Variants in RAP1GAP2 observed in about 807,000 individuals in gnomAD.
RAP1GAP2 encodes the protein rap1 GTPase-activating protein 2.
A neutral mutation model predicts 95.0 loss-of-function variants in RAP1GAP2; 27 were observed. That is an observed-to-expected ratio of 0.28 (90% CI 0.21 to 0.39). RAP1GAP2 has a LOEUF of 0.39. RAP1GAP2 is among the 10% of genes least tolerant of loss of function. The pLI, the probability that RAP1GAP2 is intolerant of heterozygous loss-of-function variation, is 1.00. For missense variants in RAP1GAP2, 771 were observed against 970.0 expected (o/e 0.79, Z 2.72); for synonymous variants, 373 against 380.9 (o/e 0.98, Z 0.24).
intron 8 of RAP1GAP2, among the ~76,000 whole-genome samples, chr17:2,976,682 TA>T (rs1406872414): frequency 2.8e-5 from 4 of 144,528 alleles, no homozygotes; most frequent in African/African-American, 1.0e-4. Flanking sequence ...AGGAAGGAAA[TA>T]AAAAAGACAA....
At chr17:3,017,221 A>G (rs1023611360) in intron 17 of RAP1GAP2, among the ~76,000 whole-genome samples, 6 of 151,854 alleles carry the variant, frequency 4.0e-5, no homozygotes, top group Admixed American at 1.3e-4. Context: ...TCACTCTCAC[A>G]TGTACTTTGA....
upstream of RAP1GAP2, among the ~76,000 whole-genome samples, chr17:2,775,075 AC>A (rs543892381): frequency 1.1e-3 from 161 of 148,150 alleles, 1 homozygote; most frequent in African/African-American, 3.8e-3. Flanking sequence ...TAAATGATCC[AC>A]CCGCCTCAGC....
At chr17:2,761,608 A>G (rs1269134444) in intron 1 of RAP1GAP2, among the ~76,000 whole-genome samples, 1 of 152,098 alleles carries the variant, frequency 6.6e-6, no homozygotes, top group African/African-American at 2.4e-5. Context: ...CATTCTCATC[A>G]TATCGTCAAG....
At chr17:2,849,235 T>C (rs2071719267) in intron 2 of RAP1GAP2, among the ~76,000 whole-genome samples, 1 of 152,162 alleles carries the variant, frequency 6.6e-6, no homozygotes, top group African/African-American at 2.4e-5. Context: ...CATCTGGTTT[T>C]CATCAAAGGC....
intron 1 of RAP1GAP2, among the ~76,000 whole-genome samples, chr17:2,781,784 T>C (rs111968236): frequency 3.3e-5 from 4 of 119,586 alleles, no homozygotes; most frequent in African/African-American, 1.3e-4. Context: ...GTGTGCACGT[T>C]TCTGTGTGTG....
chr17:2,970,166 C>T (rs912873370), intron 8 of RAP1GAP2, among the ~76,000 whole-genome samples: 2 of 147,984 alleles, frequency 1.4e-5, no homozygotes, highest in Admixed American at 1.4e-4. Context: ...CCTAGCTACT[C>T]GGGAGGCTGA....
intron 13 of RAP1GAP2, among the ~76,000 whole-genome samples, chr17:2,995,739 G>C (rs2045930861): frequency 6.6e-6 from 1 of 152,202 alleles, no homozygotes. Flanking sequence ...CACGTTGACT[G>C]ATGGGAAAAC....
At chr17:2,962,741 C>T (rs539107766) in intron 5 of RAP1GAP2, 27 bp downstream of exon 5, 4 of 1,577,902 alleles carry the variant, frequency 2.5e-6, no homozygotes, top group East Asian at 2.3e-5. Context: ...AGGGGGTGGC[C>T]AGACGGCCCT....
intron 17 of RAP1GAP2, among the ~76,000 whole-genome samples, chr17:3,017,584 AACTTGTGGTCAGAC>A (rs2046810221): frequency 1.3e-5 from 2 of 152,208 alleles, no homozygotes; most frequent in South Asian, 4.1e-4. Context: ...GAAAAGAGTC[AACTTGTGGTCAGAC>A]ACCTGAGTGT....
At chr17:2,955,625 C>T (rs559886134) in intron 3 of RAP1GAP2, among the ~76,000 whole-genome samples, 193 of 152,118 alleles carry the variant, frequency 1.3e-3, no homozygotes, top group Non-Finnish European at 2.3e-3. Flanking sequence ...TTTCTTTAAA[C>T]GTTTGGTAGA....
chr17:2,794,314 A>T (rs557545888), upstream of RAP1GAP2, among the ~76,000 whole-genome samples: 1 of 151,872 alleles, frequency 6.6e-6, no homozygotes, highest in South Asian at 2.1e-4. Flanking sequence ...TCAGGTGCCC[A>T]CTCCTGACCC....
At chr17:2,810,183 C>T (rs536674494) in intron 2 of RAP1GAP2, among the ~76,000 whole-genome samples, 16 of 151,986 alleles carry the variant, frequency 1.1e-4, no homozygotes, top group Non-Finnish European at 1.9e-4. Flanking sequence ...GTGGACCTTG[C>T]GAGCTTTGTC....
chr17:2,768,557 T>C (rs1370394981), intron 1 of RAP1GAP2, among the ~76,000 whole-genome samples: 3 of 151,780 alleles, frequency 2.0e-5, no homozygotes, highest in Non-Finnish European at 4.4e-5. Flanking sequence ...CTGGGCATGG[T>C]GGTGGGTGCC....
chr17:2,963,805 C>A lies in RAP1GAP2; in HGVS notation c.280-51C>A. 1 of 1,462,150 alleles carries A rather than the reference C, an allele frequency of 6.8e-7. No individual in the cohort carries two copies. Among genetic ancestry groups the A allele is most frequent in the South Asian group, 1.3e-5 (1 of 75,866 alleles). The allele number at this position is 1,462,150 out of a possible 1,614,324, so 90.6% of individuals were successfully genotyped here. On this transcript the variant is annotated intron_variant, in intron 6 of 24. Transcript: ENST00000254695. This position sits in a 1 kb window ranked among gnomAD's most constrained non-coding sequence, Gnocchi z 4.8. ...CAGAGGGGACACCGCCACCGGCCCC[C>A]TCCCTCCCCTGCGGTCCCAGGGGAG...
At chr17:2,760,502 G>A (rs1244636122) in intron 1 of RAP1GAP2, among the ~76,000 whole-genome samples, 12 of 150,040 alleles carry the variant, frequency 8.0e-5, no homozygotes, top group African/African-American at 1.7e-4. Context: ...CACCACACCC[G>A]GCTAATTTTT....
intron 3 of RAP1GAP2, among the ~76,000 whole-genome samples, chr17:2,956,621 G>A (rs1461078366): frequency 6.6e-6 from 1 of 152,240 alleles, no homozygotes; most frequent in Non-Finnish European, 1.5e-5. Context: ...GCTTCGCGGT[G>A]CCCAGATGTG....
chr17:2,865,558 G>T (rs115083321), intron 2 of RAP1GAP2, among the ~76,000 whole-genome samples: 1 of 152,142 alleles, frequency 6.6e-6, no homozygotes, highest in Non-Finnish European at 1.5e-5. Flanking sequence ...TTAATAGAAC[G>T]TCTATTTTAA....
At chr17:2,951,027 C>T (rs952151925) in intron 3 of RAP1GAP2, among the ~76,000 whole-genome samples, 1 of 152,230 alleles carries the variant, frequency 6.6e-6, no homozygotes. Context: ...CTTCGACCAC[C>T]GGGCTCTGCT....
At chr17:2,837,768 G>T (rs994366446) in intron 2 of RAP1GAP2, among the ~76,000 whole-genome samples, 6 of 151,192 alleles carry the variant, frequency 4.0e-5, no homozygotes, top group Non-Finnish European at 7.4e-5. Flanking sequence ...CACCATGTCC[G>T]GCTATTTTTT....
Sources: gnomAD v4.1 joint callset for allele counts (sites outside exome capture counted in the v4.1 genomes callset) on GRCh38, gnomAD v4.1.1 for gene constraint, Gnocchi (gnomAD v3.1) non-coding constraint, MANE v1.5 for transcripts, NCBI Gene and HGNC (gene_info 2026-07-23, HGNC 2026-07-21) for gene names.